The following NR3C2 variants were observed in gnomAD, a reference collection of about 807,000 sequenced individuals.
NR3C2 encodes mineralocorticoid receptor.
Under a neutral mutation model 86.4 loss-of-function variants are expected in NR3C2, and 15 were observed. The ratio of observed to expected loss-of-function variants is 0.17; its 90% CI spans 0.12 to 0.27. NR3C2 has a LOEUF of 0.27. Among genes scored for constraint, NR3C2 ranks in the 10% least tolerant of loss-of-function variants. The pLI is 1.00. For missense variants in NR3C2, 960 were observed against 1,195.6 expected, an observed-to-expected ratio of 0.80 and a Z score of 2.91; for synonymous variants, 458 against 450.5, an observed-to-expected ratio of 1.02 and a Z score of -0.21.
At chr4:148,235,716 AT>A (rs145206606) in intron 3 of NR3C2, among the ~76,000 whole-genome samples, 2 of 151,406 alleles carry the variant, frequency 1.3e-5, no homozygotes, top group African/African-American at 4.8e-5. Context: ...AACCAGGAGA[AT>A]TTTTTTTAGT....
chr4:148,140,085 AG>A (rs1036975666), intron 6 of NR3C2, among the ~76,000 whole-genome samples: 7 of 152,190 alleles, frequency 4.6e-5, no homozygotes, highest in Admixed American at 3.9e-4. Flanking sequence ...GCCTGTGTCA[AG>A]GGGGGAGTCT....
At chr4:148,416,282 T>C (rs1004255774) in intron 2 of NR3C2, among the ~76,000 whole-genome samples, 1 of 152,194 alleles carries the variant, frequency 6.6e-6, no homozygotes, top group African/African-American at 2.4e-5. Context: ...ACTGGATCTT[T>C]TGAGGTATAT....
intron 1 of NR3C2, among the ~76,000 whole-genome samples, chr4:148,439,939 TTCCAAG>T (rs1299713196): frequency 6.6e-6 from 1 of 152,210 alleles, no homozygotes; most frequent in African/African-American, 2.4e-5. Context: ...GATCACAACT[TTCCAAG>T]TCCTGTTTGG....
intron 2 of NR3C2, among the ~76,000 whole-genome samples, chr4:148,424,836 G>A (rs916518549): frequency 2.0e-5 from 3 of 152,120 alleles, no homozygotes; most frequent in Admixed American, 2.0e-4. Context: ...TCAATTGGGT[G>A]GTGGTTACAA....
At chr4:148,387,685 A>C (rs1747337707) in intron 2 of NR3C2, among the ~76,000 whole-genome samples, 2 of 152,212 alleles carry the variant, frequency 1.3e-5, no homozygotes, top group Admixed American at 1.3e-4. Context: ...ATCTCAACGC[A>C]TAAAGTGTTA....
intron 8 of NR3C2, among the ~76,000 whole-genome samples, chr4:148,081,817 A>G (rs574842910): frequency 2.0e-5 from 3 of 152,318 alleles, no homozygotes; most frequent in South Asian, 4.1e-4. Flanking sequence ...ATCAAATTCT[A>G]ATTTCTAAAT....
At chr4:148,387,774 G>C (rs1335576795) in intron 2 of NR3C2, among the ~76,000 whole-genome samples, 2 of 152,214 alleles carry the variant, frequency 1.3e-5, no homozygotes, top group Non-Finnish European at 2.9e-5. Context: ...AACAGTGACA[G>C]CATCATCCAA....
chr4:148,402,230 A>G (rs1361820604), intron 2 of NR3C2, among the ~76,000 whole-genome samples: 1 of 152,214 alleles, frequency 6.6e-6, no homozygotes, highest in Non-Finnish European at 1.5e-5. Flanking sequence ...TCTTAGCAAT[A>G]AACTGCCAGA....
chr4:148,359,587 T>C (rs1745738661), intron 2 of NR3C2, among the ~76,000 whole-genome samples: 1 of 152,178 alleles, frequency 6.6e-6, no homozygotes, highest in Non-Finnish European at 1.5e-5. Context: ...TTCACTGCTG[T>C]CCAAGTATCA....
intron 2 of NR3C2, among the ~76,000 whole-genome samples, chr4:148,306,436 C>T (rs759881929): frequency 6.6e-6 from 1 of 152,176 alleles, no homozygotes; most frequent in Non-Finnish European, 1.5e-5. Context: ...TAAGTCTATC[C>T]AGTATATTCT....
intron 2 of NR3C2, among the ~76,000 whole-genome samples, chr4:148,289,269 C>T (rs1314809743): frequency 3.3e-5 from 2 of 60,156 alleles, no homozygotes; most frequent in Non-Finnish European, 6.4e-5. Flanking sequence ...TTAATATTTA[C>T]AGCCAAAAAA....
At chr4:148,443,358 T>C (rs1207973918), upstream of NR3C2, among the ~76,000 whole-genome samples, 1 of 151,240 alleles carries the variant, frequency 6.6e-6, no homozygotes, top group East Asian at 2.0e-4. Context: ...ATTGGATTTT[T>C]CCACTAGTTC....
At chr4:148,276,918 C>T (rs1579096590) in intron 2 of NR3C2, among the ~76,000 whole-genome samples, 1 of 152,266 alleles carries the variant, frequency 6.6e-6, no homozygotes, top group East Asian at 1.9e-4. Context: ...TGACAGCTGT[C>T]TTTTACTCCA....
At chr4:148,278,087 C>T (rs1741045009) in intron 2 of NR3C2, among the ~76,000 whole-genome samples, 1 of 124,410 alleles carries the variant, frequency 8.0e-6, no homozygotes. Context: ...AGAGTCAAGT[C>T]TGTTTTTTGT....
rs189665368 is a variant in NR3C2, at chr4:148,135,794, C to T, written c.2511-15506G>A. On this transcript the variant is annotated intron_variant, in intron 6 of 8. Coordinates refer to ENST00000358102, the MANE Select transcript of NR3C2 (RefSeq NM_000901.5). Reference sequence around the variant, plus strand: ...AAAAACGGCCGGGCGCGGTGGCTCACGCCTGTAATCCCAGCACTTTGGGAG... The same window carrying T: ...AAAAACGGCCGGGCGCGGTGGCTCATGCCTGTAATCCCAGCACTTTGGGAG... Among the ~76,000 whole-genome samples, 1,011 of 152,074 alleles carry T rather than the reference C, an allele frequency of 6.6e-3. 11 individuals carry two copies. Among genetic ancestry groups the T allele is most frequent in the African/African-American group, 0.023 (951 of 41,472 alleles).
chr4:148,383,467 G>A (rs1044876639), intron 2 of NR3C2, among the ~76,000 whole-genome samples: 3 of 152,084 alleles, frequency 2.0e-5, no homozygotes, highest in African/African-American at 7.2e-5. Flanking sequence ...TACTTTGAAT[G>A]TACTGTATCT....
chr4:148,385,771 C>T (rs1747234466), intron 2 of NR3C2, among the ~76,000 whole-genome samples: 1 of 152,128 alleles, frequency 6.6e-6, no homozygotes. Flanking sequence ...CCACAGACAC[C>T]CTATGCTGCT....
intron 3 of NR3C2, among the ~76,000 whole-genome samples, chr4:148,255,430 T>C (rs1160972981): frequency 6.6e-6 from 1 of 152,326 alleles, no homozygotes; most frequent in African/African-American, 2.4e-5. Flanking sequence ...CAAGATTAAC[T>C]TGTAATTGTA....
intron 2 of NR3C2, among the ~76,000 whole-genome samples, chr4:148,308,425 T>C (rs531625542): frequency 6.6e-5 from 10 of 152,178 alleles, no homozygotes; most frequent in African/African-American, 2.4e-4. Flanking sequence ...GCATATAAAG[T>C]TGATGTATTT....
Sources: allele counts gnomAD v4.1 joint callset (sites outside exome capture counted in the v4.1 genomes callset), GRCh38; gene constraint gnomAD v4.1.1; transcripts MANE v1.5; gene names NCBI Gene and HGNC (gene_info 2026-07-23, HGNC 2026-07-21).